The following EEPD1 variants were observed in gnomAD, a reference collection of about 807,000 sequenced individuals.
The protein encoded by EEPD1 is endonuclease/exonuclease/phosphatase family domain-containing protein 1.
A neutral mutation model predicts 46.3 loss-of-function variants in EEPD1; 17 were observed. That is an observed-to-expected ratio of 0.37 (90% CI 0.25 to 0.55). The LOEUF (loss-of-function observed/expected upper bound fraction) is 0.55, where lower values mean the gene tolerates loss of function less well. EEPD1 is among the 20% of genes least tolerant of loss of function. The pLI is 0.83. For missense variants in EEPD1, 673 were observed against 745.6 expected, an observed-to-expected ratio of 0.90 and a Z score of 1.13; for synonymous variants, 313 against 315.6, an observed-to-expected ratio of 0.99 and a Z score of 0.09.
chr7:36,252,829 CTTTTTTTTTTTT>C lies in EEPD1; in HGVS notation c.930+13812_930+13823del, dbSNP rs71553053. Among the ~76,000 whole-genome samples, 17 of 54,896 alleles carry C rather than the reference CTTTTTTTTTTTT, an allele frequency of 3.1e-4. No individual in the cohort carries two copies. In the South Asian group the frequency reaches 8.1e-3, roughly 26 times the overall value. 36.0% of individuals were successfully genotyped at this position (54,896 alleles called of 152,430 possible). On this transcript the variant is annotated intron_variant, in intron 3 of 7. Transcript: ENST00000242108. The stretch of plus-strand genomic sequence containing the variant: ...GGTGTGATAGCATGAGTGTTCTCTC[CTTTTTTTTTTTT>C]TTTTTTTTTTTTTTTTTTGATCAGT...
At chr7:36,167,622 C>T (rs1785008286) in intron 2 of EEPD1, among the ~76,000 whole-genome samples, 1 of 149,108 alleles carries the variant, frequency 6.7e-6, no homozygotes, top group African/African-American at 2.5e-5. Flanking sequence ...CCCTTGGCTA[C>T]AGGTAATGTT....
intron 2 of EEPD1, among the ~76,000 whole-genome samples, chr7:36,165,287 C>T (rs1370869053): frequency 6.6e-6 from 1 of 151,988 alleles, no homozygotes. Flanking sequence ...CAATTGTCTA[C>T]AGTCTTCAGT....
At position 36,161,788 on chromosome 7, in the gene EEPD1, G is replaced by A. The variant is rs922031118; in HGVS notation, c.878+6586G>A. On this transcript the variant is annotated intron_variant, in intron 2 of 7. Coordinates refer to ENST00000242108, the MANE Select transcript of EEPD1 (RefSeq NM_030636.3). ...AAAAATTAGCTGAGTGGGGTAGTGC[G>A]TGCCTGTAGTCCCAGCTACTCAGAA... Among the ~76,000 whole-genome samples, 9 of 151,822 alleles carry A rather than the reference G, an allele frequency of 5.9e-5. No individual in the cohort carries two copies. The South Asian group carries it at 1.2e-3, about 21-fold the overall frequency.
chr7:36,271,264 C>A (rs574677733), intron 3 of EEPD1, among the ~76,000 whole-genome samples: 2 of 152,122 alleles, frequency 1.3e-5, no homozygotes, highest in Non-Finnish European at 2.9e-5. Flanking sequence ...TGAGCCACCA[C>A]GCCTGGCCTA....
chr7:36,291,964 AG>A (rs528182463), intron 6 of EEPD1, among the ~76,000 whole-genome samples: 2 of 152,230 alleles, frequency 1.3e-5, no homozygotes, highest in Non-Finnish European at 2.9e-5. Flanking sequence ...CACTTCCTCT[AG>A]GGTAAATCAG....
In EEPD1 at chr7:36,154,578, G is replaced by T; in HGVS notation, c.254G>T (p.Gly85Val). Residue 85 changes from glycine to valine, a missense_variant, in exon 2 of 8, where the codon GGT becomes GTT. Transcript: ENST00000242108. The surrounding 1 kb of genome is among the most constrained non-coding windows in gnomAD (Gnocchi z 4.2). ...KKVEDLALVS[G>V]VGATKLEQVK... ...GTGGAGGACCTGGCATTGGTCAGTG[G>T]TGTAGGCGCCACCAAGCTGGAGCAG... 6.2e-7 allele frequency: 1 copy of T among 1,614,146 alleles called. No individual in the cohort carries two copies. The highest frequency in any genetic ancestry group is 8.5e-7 in the Non-Finnish European group (1 of 1,180,024).
chr7:36,249,367 T>A (rs994265590), intron 3 of EEPD1, among the ~76,000 whole-genome samples: 4 of 152,186 alleles, frequency 2.6e-5, no homozygotes, highest in African/African-American at 9.7e-5. Context: ...AGCATTTCAT[T>A]AGTGTTTGTG....
chr7:36,248,111 TGGA>T (rs1786669785), intron 3 of EEPD1, among the ~76,000 whole-genome samples: 2 of 152,162 alleles, frequency 1.3e-5, no homozygotes, highest in Non-Finnish European at 2.9e-5. Flanking sequence ...CGTGAGAGGT[TGGA>T]GGACGTGGAC....
chr7:36,180,689 A>T (rs1176727048), intron 2 of EEPD1, among the ~76,000 whole-genome samples: 1 of 152,140 alleles, frequency 6.6e-6, no homozygotes, highest in Non-Finnish European at 1.5e-5. Context: ...ATGCCAGCTC[A>T]TCCTCAGATC....
Position 36,300,642 on chromosome 7 carries a change from C to T in EEPD1, c.*1436C>T, listed in dbSNP as rs1352653254. ...AGTATCAAGAACCCTCCTGTCCCCA[C>T]GCAGTGTAAACCCAGTGGCTTCTCT... is the stretch of plus-strand genomic sequence containing the variant. On this transcript the variant is annotated 3_prime_UTR_variant, in exon 8 of 8. Transcript: ENST00000242108. 2.6e-5 allele frequency: 4 copies of T among 152,332 alleles called. No homozygotes were observed. Among genetic ancestry groups the T allele is most frequent in the African/African-American group, 4.8e-5 (2 of 41,574 alleles). 9.4% of individuals were successfully genotyped at this position (152,332 alleles called of 1,614,324 possible).
chr7:36,258,868 A>T (rs1786868023), intron 3 of EEPD1, among the ~76,000 whole-genome samples: 1 of 144,826 alleles, frequency 6.9e-6, no homozygotes, highest in African/African-American at 2.6e-5. Flanking sequence ...CTGGCATTCC[A>T]GGTGCCACTG....
intron 3 of EEPD1, among the ~76,000 whole-genome samples, chr7:36,250,082 C>T (rs979405842): frequency 3.3e-5 from 5 of 152,064 alleles, no homozygotes; most frequent in Non-Finnish European, 7.3e-5. Context: ...GTTAGCTGAG[C>T]ATGGTAGCAT....
intron 2 of EEPD1, among the ~76,000 whole-genome samples, chr7:36,212,146 T>C (rs930280050): frequency 7.9e-5 from 12 of 152,136 alleles, no homozygotes; most frequent in Non-Finnish European, 1.6e-4. Flanking sequence ...TGCAGCCAAG[T>C]AGCTATAGGG....
At chr7:36,175,121 A>G (rs906921699) in intron 2 of EEPD1, among the ~76,000 whole-genome samples, 11 of 152,254 alleles carry the variant, frequency 7.2e-5, no homozygotes, top group African/African-American at 2.4e-4. Context: ...AGTGATTGGC[A>G]CAAGACTAGG....
At chr7:36,258,988 A>C (rs28634634) in intron 3 of EEPD1, among the ~76,000 whole-genome samples, 18,287 of 151,742 alleles carry the variant, frequency 0.12, 1,166 homozygotes, top group East Asian at 0.22. Flanking sequence ...CACCTAAGGG[A>C]ATCTCCTGGT....
intron 2 of EEPD1, among the ~76,000 whole-genome samples, chr7:36,237,116 T>A (rs1322761203): frequency 2.6e-5 from 4 of 152,152 alleles, no homozygotes; most frequent in Non-Finnish European, 5.9e-5. Flanking sequence ...GCGCCGCCTT[T>A]ATGAACTGTA....
intron 2 of EEPD1, among the ~76,000 whole-genome samples, chr7:36,190,642 T>C (rs538961157): frequency 3.9e-5 from 6 of 152,368 alleles, no homozygotes; most frequent in African/African-American, 1.2e-4. Flanking sequence ...GGGAAACATC[T>C]GGCAGCTTCC....
chr7:36,198,123 AGT>A (rs1252776691), intron 2 of EEPD1, among the ~76,000 whole-genome samples: 1 of 151,956 alleles, frequency 6.6e-6, no homozygotes, highest in Non-Finnish European at 1.5e-5. Context: ...GAAAGAGAAA[AGT>A]GAAAAATTGA....
intron 6 of EEPD1, among the ~76,000 whole-genome samples, chr7:36,292,245 G>T (rs1427147564): frequency 2.0e-5 from 3 of 152,126 alleles, no homozygotes; most frequent in Non-Finnish European, 4.4e-5. Flanking sequence ...TAAAAGGCTT[G>T]CCCAAGGTCA....
Sources: allele counts gnomAD v4.1 joint callset (sites outside exome capture counted in the v4.1 genomes callset), GRCh38; gene constraint gnomAD v4.1.1; non-coding constraint Gnocchi (gnomAD v3.1); transcripts MANE v1.5; gene names NCBI Gene and HGNC (gene_info 2026-07-23, HGNC 2026-07-21).